Variants in LAMA2 observed in about 807,000 individuals in gnomAD.
LAMA2 encodes laminin subunit alpha-2.
Under a neutral mutation model 364.8 loss-of-function variants are expected in LAMA2, and 269 were observed. The observed-to-expected ratio is 0.74, with a 90% CI of 0.67 to 0.82. LAMA2 has a LOEUF of 0.82. LAMA2 is among the 40% of genes least tolerant of loss of function. LAMA2 has a pLI of 0.00. For synonymous variants in LAMA2, 1,379 were observed against 1,370.6 expected, an observed-to-expected ratio of 1.01 and a Z score of -0.14; for missense variants, 3,807 against 3,873.2, an observed-to-expected ratio of 0.98 and a Z score of 0.45.
At chr6:129,167,930 T>C (rs1467074365) in intron 9 of LAMA2, among the ~76,000 whole-genome samples, 1 of 150,646 alleles carries the variant, frequency 6.6e-6, no homozygotes, top group Non-Finnish European at 1.5e-5. Flanking sequence ...ATGAGCATTT[T>C]TTCATGTGTT....
intron 1 of LAMA2, among the ~76,000 whole-genome samples, chr6:128,959,980 C>A (rs1017869639): frequency 6.6e-6 from 1 of 151,874 alleles, no homozygotes; most frequent in Non-Finnish European, 1.5e-5. Flanking sequence ...AAGTGCCTGG[C>A]GCATGTTAGA....
intron 9 of LAMA2, among the ~76,000 whole-genome samples, chr6:129,174,088 A>C (rs1780403327): frequency 6.6e-6 from 1 of 152,078 alleles, no homozygotes; most frequent in Admixed American, 6.5e-5. Context: ...TTCTTTACTT[A>C]TAATAATGAT....
At chr6:129,107,454 G>A (rs1333221195) in intron 4 of LAMA2, among the ~76,000 whole-genome samples, 4 of 152,102 alleles carry the variant, frequency 2.6e-5, no homozygotes, top group Non-Finnish European at 5.9e-5. Flanking sequence ...GCCATGGCTA[G>A]GGAAGGCAGA....
chr6:128,971,467 C>T (rs995543168), intron 1 of LAMA2, among the ~76,000 whole-genome samples: 1 of 152,032 alleles, frequency 6.6e-6, no homozygotes, highest in Non-Finnish European at 1.5e-5. Flanking sequence ...AAATCATTGC[C>T]AGGTGAGTGA....
chr6:129,024,846 G>A (rs1785694484), intron 1 of LAMA2, among the ~76,000 whole-genome samples: 1 of 152,138 alleles, frequency 6.6e-6, no homozygotes, highest in African/African-American at 2.4e-5. Flanking sequence ...CTACTTGGGA[G>A]GCGGAGACAG....
chr6:129,437,546 G>A (rs1016877085), intron 41 of LAMA2, among the ~76,000 whole-genome samples: 1 of 151,834 alleles, frequency 6.6e-6, no homozygotes, highest in Non-Finnish European at 1.5e-5. Context: ...TTTCTGTGGA[G>A]CTAATTTAAA....
intron 1 of LAMA2, among the ~76,000 whole-genome samples, chr6:129,035,773 C>T (rs559625777): frequency 1.3e-5 from 2 of 151,862 alleles, no homozygotes; most frequent in Admixed American, 6.6e-5. Flanking sequence ...TTGACTTTGT[C>T]GAAGATTAGT....
At chr6:129,102,215 G>A (rs1042143940) in intron 4 of LAMA2, among the ~76,000 whole-genome samples, 3 of 146,806 alleles carry the variant, frequency 2.0e-5, no homozygotes, top group Non-Finnish European at 3.0e-5. Flanking sequence ...TGTAACCTCC[G>A]CCTCCCGGGT....
rs139814345 is a variant in LAMA2, at chr6:129,506,256, G to A, written c.8703+901G>A. Among the ~76,000 whole-genome samples the A allele has an allele frequency of 5.7e-3, 868 of 152,166 alleles. 5 individuals carry two copies. Among genetic ancestry groups the A allele is most frequent in the African/African-American group, 0.02 (830 of 41,506 alleles). Reference sequence around the variant, plus strand: ...TAGTCCCAGCTACTTTGGAGGCTGAGGCAAGAGAATCACTTGAACCCGAGG... The same window carrying A: ...TAGTCCCAGCTACTTTGGAGGCTGAAGCAAGAGAATCACTTGAACCCGAGG... On this transcript the variant is annotated intron_variant, in intron 61 of 64. Transcript: ENST00000421865.
chr6:128,954,732 C>T lies in LAMA2; in HGVS notation c.112+71375C>T, dbSNP rs138576094. ...ATAATACATTTGGGTGAAAAAACTACAAAATCATAGAGGGGGATCTTTTTA... is the reference window on the plus strand; with the variant it reads ...ATAATACATTTGGGTGAAAAAACTATAAAATCATAGAGGGGGATCTTTTTA... On this transcript the variant is annotated intron_variant, in intron 1 of 64. Transcript: ENST00000421865. 2.2e-4 allele frequency among the ~76,000 whole-genome samples: 33 copies of T among 151,986 alleles called. 1 individual carries two copies. The East Asian group carries it at 6.4e-3, about 29-fold the overall frequency.
intron 1 of LAMA2, among the ~76,000 whole-genome samples, chr6:129,030,766 C>T (rs945336427): frequency 1.3e-5 from 2 of 151,924 alleles, no homozygotes; most frequent in African/African-American, 4.8e-5. Flanking sequence ...TGTTAGAACT[C>T]ATGTGATTAA....
intron 58 of LAMA2, among the ~76,000 whole-genome samples, chr6:129,499,207 C>T (rs1000760643): frequency 6.6e-6 from 1 of 152,138 alleles, no homozygotes; most frequent in African/African-American, 2.4e-5. Flanking sequence ...AAAAAGTCCC[C>T]ACAAGGTGGC....
rs575791092 is a variant in LAMA2 at position 129,410,887 on chromosome 6, G to T, written c.5865+6928G>T. Among the ~76,000 whole-genome samples the T allele has an allele frequency of 2.0e-4, 30 of 152,326 alleles. 1 individual carries two copies. Among genetic ancestry groups the T allele is most frequent in the South Asian group, 1.2e-3 (6 of 4,828 alleles). On this transcript the variant is annotated intron_variant, in intron 40 of 64. Coordinates refer to ENST00000421865, the MANE Select transcript of LAMA2 (RefSeq NM_000426.4). ...GATATAGTTCACTTTGAGTCCAAAG[G>T]CCAGAGAATCACGGGAGCTGATGGT...
chr6:129,135,765 C>A (rs1057373410), intron 4 of LAMA2, among the ~76,000 whole-genome samples: 1 of 152,100 alleles, frequency 6.6e-6, no homozygotes, highest in Non-Finnish European at 1.5e-5. Context: ...CTGTGTATTC[C>A]TATATAGTCT....
chr6:129,094,276 C>T (rs2114865476), intron 3 of LAMA2, among the ~76,000 whole-genome samples: 1 of 152,242 alleles, frequency 6.6e-6, no homozygotes, highest in South Asian at 2.1e-4. Flanking sequence ...AAAGAAATTC[C>T]ATGCCAACAA....
At chr6:129,176,079 G>A (rs1432580225) in intron 9 of LAMA2, among the ~76,000 whole-genome samples, 1 of 151,038 alleles carries the variant, frequency 6.6e-6, no homozygotes, top group Non-Finnish European at 1.5e-5. Flanking sequence ...TTACTTTTGG[G>A]TACAGTTTTT....
chr6:129,119,708 T>G (rs915742178), intron 4 of LAMA2, among the ~76,000 whole-genome samples: 8 of 152,066 alleles, frequency 5.3e-5, no homozygotes, highest in Non-Finnish European at 1.2e-4. Context: ...CCACCACGCC[T>G]GGCTAATTTT....
chr6:129,298,968 A>T (rs1045583069), intron 21 of LAMA2, among the ~76,000 whole-genome samples: 1 of 152,138 alleles, frequency 6.6e-6, no homozygotes, highest in East Asian at 1.9e-4. Context: ...TGTTCTTTAA[A>T]TCCAAAGCTC....
At chr6:129,263,056 G>A (rs543057560) in intron 15 of LAMA2, among the ~76,000 whole-genome samples, 19 of 152,114 alleles carry the variant, frequency 1.2e-4, no homozygotes, top group Middle Eastern at 3.4e-3. Context: ...ATGAGACAGG[G>A]GATATACTAT....
Sources: gnomAD v4.1 joint callset for allele counts (sites outside exome capture counted in the v4.1 genomes callset) on GRCh38, gnomAD v4.1.1 for gene constraint, MANE v1.5 for transcripts, NCBI Gene and HGNC (gene_info 2026-07-23, HGNC 2026-07-21) for gene names.